The following VMP1 variants were observed in gnomAD, a reference collection of about 807,000 sequenced individuals.
VMP1 encodes ectopic P-granules autophagy protein 3 homolog.
Under a neutral mutation model 56.0 loss-of-function variants are expected in VMP1, and 11 were observed. That is an observed-to-expected ratio of 0.20 (90% CI 0.12 to 0.32). The LOEUF (loss-of-function observed/expected upper bound fraction) is 0.32, where lower values mean the gene tolerates loss of function less well. Ranked by LOEUF, VMP1 falls within the 10% of genes least tolerant of loss-of-function variation. The pLI is 1.00. For synonymous variants in VMP1, 149 were observed against 165.0 expected (o/e 0.90, Z 0.74); for missense variants, 296 against 490.3 (o/e 0.60, Z 3.74).
intron 5 of VMP1, among the ~76,000 whole-genome samples, chr17:59,744,045 A>G (rs1469172477): frequency 6.6e-6 from 1 of 150,650 alleles, no homozygotes; most frequent in Non-Finnish European, 1.5e-5. Context: ...GATATTATTT[A>G]CCAGGTTGAG....
At chr17:59,798,840 T>C (rs2037539940) in intron 7 of VMP1, among the ~76,000 whole-genome samples, 1 of 152,132 alleles carries the variant, frequency 6.6e-6, no homozygotes, top group South Asian at 2.1e-4. Flanking sequence ...GAGCCGAGAT[T>C]GTGCCATTAC....
intron 7 of VMP1, among the ~76,000 whole-genome samples, chr17:59,796,469 G>T (rs1219516085): frequency 6.6e-6 from 1 of 152,106 alleles, no homozygotes; most frequent in Non-Finnish European, 1.5e-5. Flanking sequence ...TTATTACCTT[G>T]CACATAGTAG....
At chr17:59,755,394 G>C (rs1289980398) in intron 5 of VMP1, among the ~76,000 whole-genome samples, 6 of 152,070 alleles carry the variant, frequency 3.9e-5, no homozygotes, top group Non-Finnish European at 8.8e-5. Flanking sequence ...ACAGGCGTGA[G>C]CCACCACACC....
intron 1 of VMP1, among the ~76,000 whole-genome samples, chr17:59,711,195 A>G (rs1251486480): frequency 6.6e-6 from 1 of 150,868 alleles, no homozygotes; most frequent in Non-Finnish European, 1.5e-5. Context: ...TTAATTATCT[A>G]TTATATATAG....
intron 1 of VMP1, among the ~76,000 whole-genome samples, chr17:59,722,880 G>C (rs898720431): frequency 6.6e-5 from 10 of 152,126 alleles, no homozygotes; most frequent in South Asian, 2.1e-4. Flanking sequence ...GACTGTCTCA[G>C]GAAAAAAGAT....
chr17:59,771,882 A>T (rs570317177), intron 6 of VMP1, among the ~76,000 whole-genome samples: 4 of 151,318 alleles, frequency 2.6e-5, no homozygotes, highest in Non-Finnish European at 5.9e-5. Flanking sequence ...CGTCTGACCA[A>T]CTTTTCTTAT....
intron 5 of VMP1, among the ~76,000 whole-genome samples, chr17:59,758,910 C>T (rs1289282847): frequency 6.6e-6 from 1 of 151,986 alleles, no homozygotes; most frequent in Non-Finnish European, 1.5e-5. Flanking sequence ...GCCTGGGCAA[C>T]AGGCAAAACC....
intron 2 of VMP1, among the ~76,000 whole-genome samples, 185 bp downstream of exon 2, chr17:59,731,707 C>T (rs1306793822): frequency 2.0e-4 from 31 of 152,054 alleles, no homozygotes; most frequent in Admixed American, 2.0e-3. Context: ...AGGAGCCTGG[C>T]CACAATCACA....
chr17:59,805,281 A>G (rs1432767338), intron 7 of VMP1, among the ~76,000 whole-genome samples: 4 of 152,202 alleles, frequency 2.6e-5, no homozygotes, highest in African/African-American at 9.6e-5. Flanking sequence ...AATTGCCGTT[A>G]AGCAAAGATA....
At chr17:59,727,711 A>G (rs1043476223) in intron 1 of VMP1, among the ~76,000 whole-genome samples, 5 of 152,186 alleles carry the variant, frequency 3.3e-5, no homozygotes, top group Non-Finnish European at 7.3e-5. Context: ...GTTGTTTTTT[A>G]TAGTTTAGGC....
chr17:59,801,119 TGTGTG>T (rs1391182815), intron 7 of VMP1, among the ~76,000 whole-genome samples: 1 of 123,498 alleles, frequency 8.1e-6, no homozygotes, highest in African/African-American at 5.1e-5. Context: ...TATATGTGTG[TGTGTG>T]TGTGTGTGTG....
chr17:59,820,988 TG>T (rs1164425884), intron 10 of VMP1, among the ~76,000 whole-genome samples: 10 of 151,042 alleles, frequency 6.6e-5, no homozygotes, highest in African/African-American at 2.2e-4. Flanking sequence ...TTTTTTTTTT[TG>T]TGACGGAGTC....
intron 4 of VMP1, among the ~76,000 whole-genome samples, chr17:59,738,531 T>C (rs553328894): frequency 5.1e-4 from 78 of 152,356 alleles, no homozygotes; most frequent in Non-Finnish European, 8.1e-4. Context: ...TCTAAAATTA[T>C]CCTCAAAATT....
intron 7 of VMP1, among the ~76,000 whole-genome samples, chr17:59,800,435 AT>A: frequency 6.6e-6 from 1 of 152,172 alleles, no homozygotes; most frequent in Non-Finnish European, 1.5e-5. Flanking sequence ...CCAGCAAGTA[AT>A]TTTTAGGTGG....
intron 10 of VMP1, among the ~76,000 whole-genome samples, chr17:59,828,958 A>G (rs753517868): frequency 6.6e-6 from 1 of 152,146 alleles, no homozygotes; most frequent in Non-Finnish European, 1.5e-5. Flanking sequence ...TCTACTAAAA[A>G]TACAAAAACT....
chr17:59,808,052 A>G (rs2037912204), intron 7 of VMP1, among the ~76,000 whole-genome samples: 1 of 152,230 alleles, frequency 6.6e-6, no homozygotes, highest in Non-Finnish European at 1.5e-5. Context: ...TAGCATCAAC[A>G]TGCCGAAAGA....
intron 10 of VMP1, among the ~76,000 whole-genome samples, chr17:59,826,966 C>T (rs1598452430): frequency 2.0e-5 from 3 of 152,250 alleles, no homozygotes; most frequent in Non-Finnish European, 2.9e-5. Context: ...CCTGTGCACA[C>T]GTGCATCCAC....
intron 7 of VMP1, among the ~76,000 whole-genome samples, chr17:59,789,283 C>T (rs1314981331): frequency 2.0e-5 from 3 of 150,396 alleles, no homozygotes; most frequent in South Asian, 4.2e-4. Flanking sequence ...TTTGGCTGGG[C>T]GCAGTGGTTT....
intron 5 of VMP1, among the ~76,000 whole-genome samples, chr17:59,757,773 C>G (rs1322256348): frequency 6.7e-6 from 1 of 149,476 alleles, no homozygotes; most frequent in African/African-American, 2.5e-5. Flanking sequence ...CAATATGTTG[C>G]AAATAACCAA....
Sources: gnomAD v4.1 joint callset for allele counts (sites outside exome capture counted in the v4.1 genomes callset) on GRCh38, gnomAD v4.1.1 for gene constraint, MANE v1.5 for transcripts, NCBI Gene and HGNC (gene_info 2026-07-23, HGNC 2026-07-21) for gene names.